FMNL3: variants seen among roughly 807,000 people sequenced by gnomAD.
FMNL3 encodes formin like 3.
FMNL3 carries 57 observed loss-of-function variants against 119.6 expected under a neutral mutation model. The ratio of observed to expected loss-of-function variants is 0.48; its 90% confidence interval spans 0.39 to 0.59. The LOEUF is 0.59. Ranked by LOEUF, FMNL3 falls within the 20% of genes least tolerant of loss-of-function variation. The probability of loss-of-function intolerance (pLI) is 0.00; values close to 1 mark genes in which losing one functional copy is unlikely to be tolerated. For synonymous variants in FMNL3, 491 were observed against 507.3 expected (o/e 0.97, Z 0.43); for missense variants, 1,053 against 1,323.5 (o/e 0.80, Z 3.17).
chr12:49,700,120 G>T (rs909955377), intron 1 of FMNL3, among the ~76,000 whole-genome samples: 1 of 152,196 alleles, frequency 6.6e-6, no homozygotes, highest in African/African-American at 2.4e-5. Flanking sequence ...TAGGCTGGGC[G>T]TGGTGCTCAC....
chr12:49,636,970 G>A lies in FMNL3; in HGVS notation c.*8845C>T. The A allele has an allele frequency of 7.0e-7, 1 of 1,430,302 alleles. No individual in the cohort carries two copies. The highest frequency in any genetic ancestry group is 9.5e-7 in the Non-Finnish European group (1 of 1,050,498). The allele number at this position is 1,430,302 out of a possible 1,614,324, so 88.6% of individuals were successfully genotyped here. A position where few individuals can be genotyped will look rare whatever the true frequency, so the allele number is the denominator to read the frequency against. On this transcript the variant is annotated 3_prime_UTR_variant, in exon 26 of 26. Coordinates refer to ENST00000335154, the MANE Select transcript of FMNL3 (RefSeq NM_175736.5). ...TCTTTCTGTGCCTAGCCCTGTCCAA[G>A]CTCTATGAGACCTCTCTCTGCCTGC...
rs1407252948 is a variant in FMNL3, at chr12:49,637,633, A to G, written c.*8182T>C. 6.3e-7 allele frequency: 1 copy of G among 1,586,218 alleles called. No individual in the cohort carries two copies. The highest frequency in any genetic ancestry group is 8.6e-7 in the Non-Finnish European group (1 of 1,157,364). On this transcript the variant is annotated 3_prime_UTR_variant, in exon 26 of 26. Coordinates refer to ENST00000335154, the MANE Select transcript of FMNL3 (RefSeq NM_175736.5). ...CTCTGGCCTGGCTTCCTGCCCTGCC[A>G]GCCTCTCTGCACCCCCTACTACCGG...
intron 1 of FMNL3, among the ~76,000 whole-genome samples, chr12:49,679,519 C>CTTTTTTTTTTTTTTTTT (rs551320921): frequency 1.1e-5 from 1 of 90,622 alleles, no homozygotes; most frequent in Non-Finnish European, 2.1e-5. Context: ...GCATTTGTGT[C>CTTTTTTTTTTTTTTTTT]TTTTTTTTTT....
chr12:49,637,117 A>T lies in FMNL3; in HGVS notation c.*8698T>A. 4 of 589,868 alleles carry T rather than the reference A, an allele frequency of 6.8e-6. No homozygotes were observed. Among genetic ancestry groups the T allele is most frequent in the Non-Finnish European group, 1.2e-5 (4 of 336,578 alleles). 36.5% of individuals were successfully genotyped at this position (589,868 alleles called of 1,614,324 possible). Reference sequence around the variant, plus strand: ...ACAGGCATGACTTGGCAGCTAGGCCATGTTTATTTCCCTTGGTGGGGCACC... The same window carrying T: ...ACAGGCATGACTTGGCAGCTAGGCCTTGTTTATTTCCCTTGGTGGGGCACC... On this transcript the variant is annotated 3_prime_UTR_variant, in exon 26 of 26. Coordinates refer to ENST00000335154, the MANE Select transcript of FMNL3 (RefSeq NM_175736.5).
At chr12:49,668,620 C>A (rs1943955609) in intron 1 of FMNL3, 66 bp from the exon 2 acceptor site, 1 of 1,397,182 alleles carries the variant, frequency 7.2e-7, no homozygotes, top group Non-Finnish European at 1.0e-6. Context: ...AAAGACTAGA[C>A]TGCCCACACC....
chr12:49,651,366 C>T lies in FMNL3; in HGVS notation c.1672+16G>A, dbSNP rs1229067116. 6.3e-7 allele frequency: 1 copy of T among 1,577,648 alleles called. No individual in the cohort carries two copies. On this transcript the variant is annotated intron_variant, in intron 15 of 25. Transcript: ENST00000335154. ...CTGGTCCCACCAGCCCTGCCCAGAG[C>T]CCTGGGGATACTCACCTGACAGGCC...
At chr12:49,688,921 A>C (rs1944535325) in intron 1 of FMNL3, among the ~76,000 whole-genome samples, 1 of 152,220 alleles carries the variant, frequency 6.6e-6, no homozygotes, top group Non-Finnish European at 1.5e-5. Context: ...GTTAATAATA[A>C]AAATTATTTA....
intron 2 of FMNL3, 24 bp from the exon 3 acceptor site, chr12:49,666,231 G>A (rs369732153): frequency 1.7e-4 from 274 of 1,600,848 alleles, no homozygotes; most frequent in Non-Finnish European, 2.2e-4. Flanking sequence ...ATGCATATGC[G>A]TATCCACAAA....
intron 1 of FMNL3, among the ~76,000 whole-genome samples, chr12:49,676,727 TA>T: frequency 6.6e-6 from 1 of 152,132 alleles, no homozygotes; most frequent in Non-Finnish European, 1.5e-5. Context: ...GAGGATCCTT[TA>T]ACTTTTTACC....
intron 5 of FMNL3, among the ~76,000 whole-genome samples, chr12:49,659,403 A>AATTATT (rs200987082): frequency 6.6e-6 from 1 of 151,798 alleles, no homozygotes; most frequent in African/African-American, 2.4e-5. Flanking sequence ...CACCATCAGC[A>AATTATT]ATTATTATTA....
At position 49,658,447 on chromosome 12, in the gene FMNL3, C is replaced by CACAGACTG; in HGVS notation, c.592_599dup (p.Leu201SerfsTer15). On this transcript the variant is annotated frameshift_variant, in exon 6 of 26. Transcript: ENST00000335154. LOFTEE classifies it high-confidence loss of function. The stretch of plus-strand genomic sequence containing the variant: ...CAGAGCAAAAGCACACATACCGGAG[C>CACAGACTG]ACAGACTGGCGCGCAGAGCGAGCGA... 6.2e-7 allele frequency: 1 copy of CACAGACTG among 1,601,994 alleles called. No individual in the cohort carries two copies. The highest frequency in any genetic ancestry group is 8.5e-7 in the Non-Finnish European group (1 of 1,172,960).
At position 49,642,035 on chromosome 12, in the gene FMNL3, G is replaced by C. The variant is rs1271353090; in HGVS notation, c.*3780C>G. ...CTGACCTTCAATAGTGTGAGGGGCTGGGCGGGGCGTGGGAAGTTCTCTAAT... is the reference window on the plus strand; with the variant it reads ...CTGACCTTCAATAGTGTGAGGGGCTCGGCGGGGCGTGGGAAGTTCTCTAAT... On this transcript the variant is annotated 3_prime_UTR_variant, in exon 26 of 26. Transcript: ENST00000335154. This position sits in a 1 kb window ranked among gnomAD's most constrained non-coding sequence, Gnocchi z 5.8. 2 of 1,610,764 alleles carry C rather than the reference G, an allele frequency of 1.2e-6. No individual in the cohort carries two copies. Among genetic ancestry groups the C allele is most frequent in the African/African-American group, 1.3e-5 (1 of 74,918 alleles).
chr12:49,700,014 A>G (rs1244649482), intron 1 of FMNL3, among the ~76,000 whole-genome samples: 2 of 152,256 alleles, frequency 1.3e-5, no homozygotes, highest in Non-Finnish European at 2.9e-5. Flanking sequence ...TTCCACTTCT[A>G]GCAATTTATC....
At position 49,657,265 on chromosome 12, in the gene FMNL3, C is replaced by T. The variant is rs1317663; in HGVS notation, c.606-75G>A. The T allele has an allele frequency of 0.011, 13,169 of 1,177,614 alleles. 1,570 individuals carry two copies. The Admixed American group carries it at 0.21, about 19-fold the overall frequency. The allele number at this position is 1,177,614 out of a possible 1,614,324, so 72.9% of individuals were successfully genotyped here. ...GCATCTAGGGACACTCACCATCACCCGGACAGCAGGCTGCCCCTTAGCAGT... is the reference window on the plus strand; with the variant it reads ...GCATCTAGGGACACTCACCATCACCTGGACAGCAGGCTGCCCCTTAGCAGT... On this transcript the variant is annotated intron_variant, in intron 6 of 25. Coordinates refer to ENST00000335154, the MANE Select transcript of FMNL3 (RefSeq NM_175736.5).
chr12:49,648,870 GC>G (rs1168548040), intron 21 of FMNL3, among the ~76,000 whole-genome samples, 158 bp downstream of exon 21: 3 of 152,228 alleles, frequency 2.0e-5, no homozygotes, highest in African/African-American at 7.2e-5. Context: ...CTCTGGAGTG[GC>G]CCCTGCTTAA....
At position 49,707,067 on chromosome 12, in the gene FMNL3, G is replaced by C. The variant is rs1265539941; in HGVS notation, c.114C>G (p.Phe38Leu). 1.3e-6 allele frequency: 2 copies of C among 1,586,680 alleles called. No homozygotes were observed. The highest frequency in any genetic ancestry group is 1.3e-5 in the African/African-American group (1 of 74,500). ...MPEPCELEERFALVLSSMNLP... is the reference protein window; with the variant it reads ...MPEPCELEERLALVLSSMNLP... ...GCTCAGCTCTCACCAGCACCAGGGC[G>C]AACCTTTCCTCCAGCTCACAGGGCT... Residue 38 changes from phenylalanine (F) to leucine (L), a missense_variant, in exon 1 of 26, where the codon TTC becomes TTG. Phe to Leu is a conservative substitution (Grantham distance 22). Coordinates refer to ENST00000335154, the MANE Select transcript of FMNL3 (RefSeq NM_175736.5).
chr12:49,686,727 AAC>A (rs1338793588), intron 1 of FMNL3, among the ~76,000 whole-genome samples: 1 of 152,154 alleles, frequency 6.6e-6, no homozygotes, highest in Non-Finnish European at 1.5e-5. Context: ...TCAAGACCAG[AAC>A]ACACAGAGTG....
intron 3 of FMNL3, 22 bp downstream of exon 3, chr12:49,666,105 G>A (rs764970706): frequency 6.2e-7 from 1 of 1,610,090 alleles, no homozygotes; most frequent in South Asian, 1.1e-5. Flanking sequence ...GCAAGACGGG[G>A]ACTCTCTGCC....
rs368287342 is a variant in FMNL3 at position 49,649,919 on chromosome 12, G to A, written c.2007C>T (p.Asp669=). 1.9e-6 allele frequency: 3 copies of A among 1,613,068 alleles called. No individual in the cohort carries two copies. Among genetic ancestry groups the A allele is most frequent in the African/African-American group, 2.7e-5 (2 of 74,910 alleles). Residue 669 remains aspartate, a synonymous_variant, in exon 18 of 26, where the codon GAC becomes GAT. Coordinates refer to ENST00000335154, the MANE Select transcript of FMNL3 (RefSeq NM_175736.5). This position sits in a 1 kb window ranked among gnomAD's most constrained non-coding sequence, Gnocchi z 5.6. ...CGAAGTCCACAGGTAGTGTCTGCAA[G>A]TCAAACCTGTGGAGGAGGGAGGGAC... ...EEICRAIHTF[D]LQTLPVDFVE...
Sources: allele counts gnomAD v4.1 joint callset (sites outside exome capture counted in the v4.1 genomes callset), GRCh38; gene constraint gnomAD v4.1.1; non-coding constraint Gnocchi (gnomAD v3.1); transcripts MANE v1.5; gene names NCBI Gene and HGNC (gene_info 2026-07-23, HGNC 2026-07-21).